Variants in LIN52 observed in about 807,000 individuals in gnomAD.
The protein encoded by LIN52 is protein lin-52 homolog.
A neutral mutation model predicts 18.5 loss-of-function variants in LIN52; 4 were observed. That is an observed-to-expected ratio of 0.22 (90% confidence interval 0.11 to 0.49). The LOEUF is 0.49. LIN52 is among the 20% of genes least tolerant of loss of function. The pLI, the probability that LIN52 is intolerant of heterozygous loss-of-function variation, is 0.97. For synonymous variants in LIN52, 34 were observed against 45.5 expected, an observed-to-expected ratio of 0.75 and a Z score of 1.02; for missense variants, 102 against 139.5, an observed-to-expected ratio of 0.73 and a Z score of 1.35.
At chr14:74,164,966 C>T (rs999018544) in intron 5 of LIN52, among the ~76,000 whole-genome samples, 3 of 152,144 alleles carry the variant, frequency 2.0e-5, no homozygotes, top group East Asian at 1.9e-4. Context: ...ATTGATAAAT[C>T]GCATGATTTA....
chr14:74,193,151 ATACTTCAT>A (rs2078889297), intron 5 of LIN52, among the ~76,000 whole-genome samples: 1 of 151,932 alleles, frequency 6.6e-6, no homozygotes. Flanking sequence ...TCTTATCTTT[ATACTTCAT>A]TAAGTTATTT....
At chr14:74,174,882 T>G (rs989841805) in intron 5 of LIN52, 2 of 151,982 alleles carry the variant, frequency 1.3e-5, no homozygotes, top group Non-Finnish European at 2.9e-5. Context: ...TGGTGCATGC[T>G]TGTGGTCCTA....
At chr14:74,099,606 G>GTGTA (rs1196837097) in intron 4 of LIN52, among the ~76,000 whole-genome samples, 2 of 152,058 alleles carry the variant, frequency 1.3e-5, no homozygotes, top group African/African-American at 4.8e-5. Flanking sequence ...GTGTGTGTGT[G>GTGTA]TGTATGTGTG....
intron 5 of LIN52, among the ~76,000 whole-genome samples, chr14:74,164,529 G>A (rs543624377): frequency 6.6e-6 from 1 of 151,952 alleles, no homozygotes; most frequent in East Asian, 1.9e-4. Flanking sequence ...CAAGTGATCC[G>A]CCTGCTTCGG....
At chr14:74,112,349 C>G (rs1394113370) in intron 5 of LIN52, among the ~76,000 whole-genome samples, 1 of 151,274 alleles carries the variant, frequency 6.6e-6, no homozygotes, top group Non-Finnish European at 1.5e-5. Flanking sequence ...CCTCTGTTGC[C>G]CAGGCTGGAG....
At chr14:74,152,509 G>A (rs1297967793) in intron 5 of LIN52, among the ~76,000 whole-genome samples, 1 of 152,052 alleles carries the variant, frequency 6.6e-6, no homozygotes, top group Non-Finnish European at 1.5e-5. Flanking sequence ...CCTGTAAGTT[G>A]GAACATTGTC....
chr14:74,115,322 T>A (rs187219415), intron 5 of LIN52, among the ~76,000 whole-genome samples: 50 of 152,372 alleles, frequency 3.3e-4, no homozygotes, highest in African/African-American at 1.1e-3. Context: ...CTTGTTCTAA[T>A]GTTCATTTCT....
chr14:74,099,196 T>C (rs192720013), intron 4 of LIN52, among the ~76,000 whole-genome samples: 1 of 152,320 alleles, frequency 6.6e-6, no homozygotes, highest in East Asian at 1.9e-4. Flanking sequence ...CCTGGGATTC[T>C]TGAGGTATTT....
Position 74,152,959 on chromosome 14 carries a change from C to CAAAAAAAAAAAAAAAAAA in LIN52, c.284-45957_284-45940dup. Among the ~76,000 whole-genome samples, 2 of 41,556 alleles carry CAAAAAAAAAAAAAAAAAA rather than the reference C, an allele frequency of 4.8e-5. 1 individual carries two copies. Among genetic ancestry groups the CAAAAAAAAAAAAAAAAAA allele is most frequent in the Non-Finnish European group, 1.1e-4 (2 of 18,646 alleles). The allele number at this position is 41,556 out of a possible 152,430, so 27.3% of individuals were successfully genotyped here. A position where few individuals can be genotyped will look rare whatever the true frequency, so the allele number is the denominator to read the frequency against. On this transcript the variant is annotated intron_variant, in intron 5 of 5. Coordinates refer to ENST00000555028, the MANE Select transcript of LIN52 (RefSeq NM_001024674.3). ...GGGGCAACAAAGCAAGACTCTGTCTCAAAAAAAAAAAAAAAAAAAAAAAGC... is the reference window on the plus strand; with the variant it reads ...GGGGCAACAAAGCAAGACTCTGTCTCAAAAAAAAAAAAAAAAAAAAAAAAAAAAAAAAAAAAAAAAAGC...
chr14:74,172,554 T>C (rs1053575555), intron 5 of LIN52, among the ~76,000 whole-genome samples: 5 of 152,202 alleles, frequency 3.3e-5, no homozygotes, highest in Non-Finnish European at 7.3e-5. Flanking sequence ...GTTTGATCAA[T>C]GTGTAATAAA....
intron 5 of LIN52, among the ~76,000 whole-genome samples, chr14:74,140,233 GC>G (rs2061122015): frequency 6.6e-6 from 1 of 152,108 alleles, no homozygotes; most frequent in African/African-American, 2.4e-5. Flanking sequence ...CCTTCTTGTA[GC>G]ACTTTGTCTA....
chr14:74,111,359 G>A (rs1357096477), intron 5 of LIN52, among the ~76,000 whole-genome samples: 2 of 152,032 alleles, frequency 1.3e-5, no homozygotes, highest in African/African-American at 4.8e-5. Flanking sequence ...TGCAGTCATA[G>A]CTCACTGCAG....
chr14:74,171,866 G>A (rs2139575619), intron 5 of LIN52, among the ~76,000 whole-genome samples: 1 of 150,210 alleles, frequency 6.7e-6, no homozygotes, highest in South Asian at 2.1e-4. Flanking sequence ...AGCCTCCCAA[G>A]TAGCTGGGAT....
chr14:74,183,244 C>G (rs1354325305), intron 5 of LIN52, among the ~76,000 whole-genome samples: 1 of 147,318 alleles, frequency 6.8e-6, no homozygotes, highest in East Asian at 3.0e-4. Flanking sequence ...ACTACAGGTG[C>G]CCGCCACCAC....
At chr14:74,135,623 T>C (rs2061093263) in intron 5 of LIN52, among the ~76,000 whole-genome samples, 2 of 152,214 alleles carry the variant, frequency 1.3e-5, no homozygotes, top group Admixed American at 6.5e-5. Flanking sequence ...TTCCAGAAGC[T>C]GTGGTGAAAA....
At chr14:74,132,727 T>C (rs1488361715) in intron 5 of LIN52, among the ~76,000 whole-genome samples, 1 of 152,170 alleles carries the variant, frequency 6.6e-6, no homozygotes, top group Admixed American at 6.5e-5. Context: ...CAGGATGGTC[T>C]CGATCTTTTG....
At position 74,114,072 on chromosome 14, in the gene LIN52, C is replaced by T. The variant is rs543234294; in HGVS notation, c.283+12834C>T. 107 of 909,952 alleles carry T rather than the reference C, an allele frequency of 1.2e-4. 3 individuals carry two copies. The South Asian group carries it at 4.9e-3, about 42-fold the overall frequency. 56.4% of individuals were successfully genotyped at this position (909,952 alleles called of 1,614,324 possible). On this transcript the variant is annotated intron_variant, in intron 5 of 5. Transcript: ENST00000555028. The stretch of plus-strand genomic sequence containing the variant: ...CTTGGCTCACTGCAACCCCTACCTC[C>T]CGGGCTCAAGCAAGTCCCCCACCTC...
At chr14:74,129,558 C>A (rs894230484) in intron 5 of LIN52, among the ~76,000 whole-genome samples, 7 of 152,046 alleles carry the variant, frequency 4.6e-5, no homozygotes, top group African/African-American at 1.7e-4. Flanking sequence ...TTCTGTATTT[C>A]TAAATTACAT....
chr14:74,113,844 T>C lies in LIN52; in HGVS notation c.283+12606T>C, dbSNP rs932737769. 2.6e-5 allele frequency among the ~76,000 whole-genome samples: 4 copies of C among 152,198 alleles called. 1 individual carries two copies. Among genetic ancestry groups the C allele is most frequent in the Non-Finnish European group, 5.9e-5 (4 of 68,028 alleles). ...AGCCTTACCACTGAGAGATAACCAC[T>C]ATTAACATTTCATGTGTTTCCTGGC... On this transcript the variant is annotated intron_variant, in intron 5 of 5. Transcript: ENST00000555028.
Sources: gnomAD v4.1 joint callset for allele counts (sites outside exome capture counted in the v4.1 genomes callset) on GRCh38, gnomAD v4.1.1 for gene constraint, MANE v1.5 for transcripts, NCBI Gene and HGNC (gene_info 2026-07-23, HGNC 2026-07-21) for gene names.